The following KAT2B variants were observed in gnomAD, a reference collection of about 807,000 sequenced individuals.
The protein encoded by KAT2B is histone acetyltransferase KAT2B.
In KAT2B, 36 loss-of-function variants were observed where a neutral mutation model predicts 105.9. That is an observed-to-expected ratio of 0.34 (90% CI 0.26 to 0.45). The LOEUF (loss-of-function observed/expected upper bound fraction) is 0.45, where lower values mean the gene tolerates loss of function less well. Ranked by LOEUF, KAT2B falls within the 20% of genes least tolerant of loss-of-function variation. The pLI is 1.00. For missense variants in KAT2B, 820 were observed against 1,021.6 expected, an observed-to-expected ratio of 0.80 and a Z score of 2.69; for synonymous variants, 397 against 377.9, an observed-to-expected ratio of 1.05 and a Z score of -0.59.
chr3:20,049,411 G>A (rs1697874910), intron 1 of KAT2B, among the ~76,000 whole-genome samples: 2 of 152,204 alleles, frequency 1.3e-5, no homozygotes, highest in South Asian at 2.1e-4. Flanking sequence ...TGGAAGGTAA[G>A]GGAGTTCATT....
At chr3:20,050,483 G>T (rs1292154275) in intron 1 of KAT2B, among the ~76,000 whole-genome samples, 1 of 152,116 alleles carries the variant, frequency 6.6e-6, no homozygotes, top group Non-Finnish European at 1.5e-5. Flanking sequence ...TATTACCAGA[G>T]ATTAGTTTTG....
intron 1 of KAT2B, among the ~76,000 whole-genome samples, chr3:20,051,356 C>A (rs1466352951): frequency 6.6e-6 from 1 of 152,126 alleles, no homozygotes; most frequent in Admixed American, 6.5e-5. Flanking sequence ...GTCTAGCCTG[C>A]ATAGCTCCTT....
chr3:20,057,548 C>G (rs1028114434), intron 1 of KAT2B, among the ~76,000 whole-genome samples: 4 of 152,202 alleles, frequency 2.6e-5, no homozygotes, highest in Non-Finnish European at 5.9e-5. Flanking sequence ...TTTGACAGAT[C>G]TTTCCACTGT....
intron 1 of KAT2B, among the ~76,000 whole-genome samples, chr3:20,046,106 T>C (rs1356566696): frequency 6.6e-6 from 1 of 152,224 alleles, no homozygotes; most frequent in Non-Finnish European, 1.5e-5. Context: ...GTCCCCAGAA[T>C]TCCTAGAACA....
intron 1 of KAT2B, among the ~76,000 whole-genome samples, chr3:20,048,975 C>CCT (rs1311413547): frequency 6.7e-6 from 1 of 149,670 alleles, no homozygotes; most frequent in African/African-American, 2.4e-5. Context: ...GATTCTCCTG[C>CCT]CTCAGCCTTC....
chr3:20,106,736 T>C (rs1382095374), intron 5 of KAT2B, among the ~76,000 whole-genome samples: 1 of 151,658 alleles, frequency 6.6e-6, no homozygotes, highest in African/African-American at 2.4e-5. Context: ...GATTTTATGA[T>C]AATATTTATA....
At chr3:20,106,737 A>G (rs1304122050) in intron 5 of KAT2B, among the ~76,000 whole-genome samples, 1 of 151,616 alleles carries the variant, frequency 6.6e-6, no homozygotes, top group Admixed American at 6.6e-5. Flanking sequence ...ATTTTATGAT[A>G]ATATTTATAA....
chr3:20,090,712 A>G (rs950974153), intron 2 of KAT2B, among the ~76,000 whole-genome samples: 9 of 151,888 alleles, frequency 5.9e-5, no homozygotes, highest in Non-Finnish European at 2.9e-5. Context: ...TTGTAAAGTG[A>G]GTTTGGAAGT....
chr3:20,046,765 T>C (rs1559509100), intron 1 of KAT2B, among the ~76,000 whole-genome samples: 1 of 152,098 alleles, frequency 6.6e-6, no homozygotes, highest in Non-Finnish European at 1.5e-5. Flanking sequence ...AGAGAGCAAA[T>C]TGTCTTTTTC....
In KAT2B at chr3:20,133,810, C is replaced by T. The variant is rs193154426; in HGVS notation, c.1750-3132C>T. Among the ~76,000 whole-genome samples the T allele has an allele frequency of 7.3e-4, 111 of 152,286 alleles. 1 individual carries two copies. The highest frequency in any genetic ancestry group is 5.6e-4 in the Non-Finnish European group (38 of 68,020). ...TGGCACTGGGTACATAAACTGTAAA[C>T]GTATTTGCACGCCGTCAAGTGCAAT... On this transcript the variant is annotated intron_variant, in intron 11 of 17. Transcript: ENST00000263754.
intron 11 of KAT2B, among the ~76,000 whole-genome samples, chr3:20,128,839 C>G (rs954892676): frequency 6.6e-6 from 1 of 151,782 alleles, no homozygotes; most frequent in Non-Finnish European, 1.5e-5. Context: ...AAAACCCTGT[C>G]TCTACTAAAA....
intron 11 of KAT2B, among the ~76,000 whole-genome samples, chr3:20,129,704 T>C (rs1210512001): frequency 1.3e-5 from 2 of 152,224 alleles, no homozygotes; most frequent in Admixed American, 1.3e-4. Flanking sequence ...ACCAAGCATG[T>C]ATTTTACATT....
In KAT2B at chr3:20,111,681, C is replaced by T. The variant is rs750427240; in HGVS notation, c.937C>T (p.Arg313Cys). The T allele has an allele frequency of 1.1e-5, 18 of 1,613,870 alleles. No homozygotes were observed. The highest frequency in any genetic ancestry group is 3.3e-5 in the Admixed American group (2 of 59,994). Residue 313 changes from arginine to cysteine, a missense_variant, in exon 6 of 18, where the codon CGC becomes TGC. This residue lies in a region of KAT2B where 173 missense variants were observed against 249.5 expected (regional missense o/e 0.69). Coordinates refer to ENST00000263754, the MANE Select transcript of KAT2B (RefSeq NM_003884.5). The stretch of plus-strand genomic sequence containing the variant: ...ACAGGTGTTTGGGAGAACATTGCTT[C>T]GCTCGGTCTTCACTGTTATGAGGCG... ...TTQVFGRTLL[R>C]SVFTVMRRQL...
At chr3:20,117,044 G>A in intron 7 of KAT2B, among the ~76,000 whole-genome samples, 1 of 152,128 alleles carries the variant, frequency 6.6e-6, no homozygotes, top group Admixed American at 6.6e-5. Context: ...TATTCAGCAG[G>A]ATCAACATAG....
intron 2 of KAT2B, among the ~76,000 whole-genome samples, chr3:20,075,505 A>G (rs1372606233): frequency 1.3e-5 from 2 of 152,126 alleles, no homozygotes; most frequent in East Asian, 3.9e-4. Context: ...CCCACTTCAG[A>G]TGCCAATTGC....
chr3:20,111,831 G>T (rs768239853), intron 6 of KAT2B, 44 bp downstream of exon 6: 1 of 1,497,688 alleles, frequency 6.7e-7, no homozygotes, highest in Non-Finnish European at 9.2e-7. Context: ...CCCAGAGCTT[G>T]AGGTTGCTAA....
intron 7 of KAT2B, among the ~76,000 whole-genome samples, chr3:20,117,842 G>T (rs1223059144): frequency 2.6e-5 from 4 of 152,128 alleles, no homozygotes; most frequent in Admixed American, 2.6e-4. Flanking sequence ...AGCTAGCAAA[G>T]CAGCATCCTA....
chr3:20,125,306 G>GA (rs34271857), intron 9 of KAT2B, among the ~76,000 whole-genome samples: 71,866 of 116,988 alleles, frequency 0.61, 22,398 homozygotes, highest in South Asian at 0.7. Flanking sequence ...CTCCGTCTCA[G>GA]AAAAAAAAAA....
intron 2 of KAT2B, among the ~76,000 whole-genome samples, chr3:20,073,691 C>A (rs184439541): frequency 6.6e-6 from 1 of 151,654 alleles, no homozygotes; most frequent in Non-Finnish European, 1.5e-5. Context: ...AGAGAACTGT[C>A]CTTGATTATA....
Sources: gnomAD v4.1 joint callset for allele counts (sites outside exome capture counted in the v4.1 genomes callset) on GRCh38, gnomAD v4.1.1 for gene constraint, gnomAD v4.1.1 regional missense constraint, MANE v1.5 for transcripts, NCBI Gene and HGNC (gene_info 2026-07-23, HGNC 2026-07-21) for gene names.